PLEKHA8: variants seen among roughly 807,000 people sequenced by gnomAD.
PLEKHA8 encodes the protein pleckstrin homology domain-containing family A member 8.
PLEKHA8 carries 36 observed loss-of-function variants against 68.2 expected under a neutral mutation model. The observed-to-expected ratio is 0.53, with a 90% confidence interval of 0.40 to 0.70. The LOEUF is 0.70. Among genes scored for constraint, PLEKHA8 ranks in the 30% least tolerant of loss-of-function variants. The pLI, the probability that PLEKHA8 is intolerant of heterozygous loss-of-function variation, is 0.00. For missense variants in PLEKHA8, 505 were observed against 615.4 expected (o/e 0.82, Z 1.90); for synonymous variants, 211 against 216.1 (o/e 0.98, Z 0.20).
downstream of PLEKHA8, among the ~76,000 whole-genome samples, chr7:30,093,922 C>T (rs565045022): frequency 2.0e-5 from 3 of 152,322 alleles, no homozygotes; most frequent in South Asian, 4.1e-4. Context: ...AATCCTTTAA[C>T]CCCTTGATCT....
intron 12 of PLEKHA8, among the ~76,000 whole-genome samples, chr7:30,066,526 C>A (rs1167386603): frequency 6.6e-6 from 1 of 152,068 alleles, no homozygotes; most frequent in African/African-American, 2.4e-5. Context: ...CCCTTAGTGT[C>A]CTAACATTCT....
rs143425495 is a variant in PLEKHA8 at position 30,057,177 on chromosome 7, A to G, written c.1039+1835A>G. Reference sequence around the variant, plus strand: ...TATCAAGAAATAGTATGTTTTCATCACCCTGGAATGTTCCCTGTGTCACTC... The same window carrying G: ...TATCAAGAAATAGTATGTTTTCATCGCCCTGGAATGTTCCCTGTGTCACTC... On this transcript the variant is annotated intron_variant, in intron 9 of 13. Coordinates refer to ENST00000449726, the MANE Select transcript of PLEKHA8 (RefSeq NM_001197026.2). Among the ~76,000 whole-genome samples, 1,347 of 151,984 alleles carry G rather than the reference A, an allele frequency of 8.9e-3. 20 individuals carry two copies. The highest frequency in any genetic ancestry group is 0.03 in the African/African-American group (1,262 of 41,508).
chr7:30,078,120 T>C (rs1583441848), intron 13 of PLEKHA8, among the ~76,000 whole-genome samples: 1 of 152,262 alleles, frequency 6.6e-6, no homozygotes, highest in East Asian at 1.9e-4. Flanking sequence ...AAAGGAAAGA[T>C]TATTCTTATG....
In PLEKHA8 at chr7:30,078,760, C is replaced by T. The variant is rs778231408; in HGVS notation, c.1533C>T (p.His511=). Residue 511 remains histidine (H), a synonymous_variant, in exon 14 of 14, where the codon CAC becomes CAT. Coordinates refer to ENST00000449726, the MANE Select transcript of PLEKHA8 (RefSeq NM_001197026.2). Reference sequence around the variant, plus strand: ...TACTGGACACTTTATATGAGGTCCACGGGCTGGAATCTGATGAGGTGGTAT... The same window carrying T: ...TACTGGACACTTTATATGAGGTCCATGGGCTGGAATCTGATGAGGTGGTAT... The part of the protein sequence containing the change: ...LAILDTLYEV[H]GLESDEVV 20 of 1,613,472 alleles carry T rather than the reference C, an allele frequency of 1.2e-5. No homozygotes were observed. The highest frequency in any genetic ancestry group is 5.3e-5 in the African/African-American group (4 of 74,852).
Position 30,050,435 on chromosome 7 carries a change from T to G in PLEKHA8, c.599T>G (p.Met200Arg). The part of the protein sequence containing the change: ...PQLAMLKSSK[M>R]KHPIIPIHNS... ...TTCCTTTCTTTGCTTCTTTTAAAGA[T>G]GAAACATCCTATTATACCAATTCAT... Residue 200 changes from methionine (M) to arginine (R), a missense_variant and splice_region_variant, in exon 6 of 14, where the codon ATG becomes AGG. Physicochemically the swap from Met to Arg is moderately conservative, Grantham distance 91 (BLOSUM62 -1). Transcript: ENST00000449726. 1 of 1,579,308 alleles carries G rather than the reference T, an allele frequency of 6.3e-7. No homozygotes were observed. The highest frequency in any genetic ancestry group is 8.6e-7 in the Non-Finnish European group (1 of 1,165,172).
chr7:30,056,306 C>CTATATATA (rs1215690448), intron 9 of PLEKHA8, among the ~76,000 whole-genome samples: 19 of 90,230 alleles, frequency 2.1e-4, no homozygotes, highest in South Asian at 9.1e-4. Flanking sequence ...CTCTCTCTCT[C>CTATATATA]TCTCTCTATA....
downstream of PLEKHA8, among the ~76,000 whole-genome samples, chr7:30,094,857 A>T (rs938119322): frequency 2.0e-5 from 3 of 152,022 alleles, no homozygotes; most frequent in Admixed American, 6.6e-5. Flanking sequence ...ACATGAATTC[A>T]TCATTTTTTA....
chr7:30,102,102 C>T (rs1422665519), intron 13 of PLEKHA8, among the ~76,000 whole-genome samples: 1 of 152,076 alleles, frequency 6.6e-6, no homozygotes, highest in Non-Finnish European at 1.5e-5. Context: ...AAACAAACAA[C>T]CCAATTTAAA....
At chr7:30,090,298 C>A in exon 13 of PLEKHA8, 3 of 1,223,138 alleles carry the variant, frequency 2.5e-6, no homozygotes, top group East Asian at 2.6e-5. Context: ...GATTCTGTGA[C>A]GGGAAACAAT....
At chr7:30,076,959 A>G (rs1403895061) in intron 13 of PLEKHA8, among the ~76,000 whole-genome samples, 1 of 152,198 alleles carries the variant, frequency 6.6e-6, no homozygotes, top group Non-Finnish European at 1.5e-5. Flanking sequence ...CTGAGCTGAT[A>G]GCCATTTCAG....
At chr7:30,100,197 C>T (rs377236659) in intron 13 of PLEKHA8, among the ~76,000 whole-genome samples, 8 of 152,194 alleles carry the variant, frequency 5.3e-5, no homozygotes, top group East Asian at 1.9e-4. Context: ...TGACTATATC[C>T]GTAAAGATCC....
At chr7:30,031,241 A>G (rs920692148) in intron 1 of PLEKHA8, among the ~76,000 whole-genome samples, 6 of 152,190 alleles carry the variant, frequency 3.9e-5, no homozygotes, top group Non-Finnish European at 7.3e-5. Flanking sequence ...TTATTGGTTA[A>G]GTGGTTAGAA....
At chr7:30,033,796 C>T (rs1172357867) in intron 1 of PLEKHA8, among the ~76,000 whole-genome samples, 1 of 152,118 alleles carries the variant, frequency 6.6e-6, no homozygotes, top group Non-Finnish European at 1.5e-5. Context: ...TCCGTCTTCA[C>T]ATTCTCATCA....
intron 13 of PLEKHA8, among the ~76,000 whole-genome samples, chr7:30,100,684 C>A (rs757457195): frequency 1.2e-4 from 19 of 152,108 alleles, no homozygotes; most frequent in Admixed American, 1.2e-3. Flanking sequence ...GTAAGGATAT[C>A]TGTTGTCACC....
chr7:30,048,169 T>C (rs1330497492), intron 4 of PLEKHA8, among the ~76,000 whole-genome samples: 2 of 152,094 alleles, frequency 1.3e-5, no homozygotes, highest in Non-Finnish European at 2.9e-5. Context: ...AGTAACAAAA[T>C]TAAACAAAGA....
At chr7:30,076,577 A>G (rs1328150102) in intron 13 of PLEKHA8, among the ~76,000 whole-genome samples, 1 of 152,194 alleles carries the variant, frequency 6.6e-6, no homozygotes, top group African/African-American at 2.4e-5. Context: ...CCCTGCTTAT[A>G]GACAGAGAAA....
chr7:30,110,187 C>T (rs1025707323), intron 13 of PLEKHA8, among the ~76,000 whole-genome samples: 1 of 152,086 alleles, frequency 6.6e-6, no homozygotes, highest in African/African-American at 2.4e-5. Context: ...CCCATTCCTC[C>T]CTCCTATGGC....
In PLEKHA8 at chr7:30,054,799, C is replaced by G; in HGVS notation, c.887C>G (p.Ser296Cys). The change falls in exon 8 of 14, where the codon TCT (serine) becomes TGT (cysteine). Residue 296 changes from serine (S) to cysteine (C), a missense_variant. Physicochemically the swap from Ser to Cys is moderately radical, Grantham distance 112. Coordinates refer to ENST00000449726, the MANE Select transcript of PLEKHA8 (RefSeq NM_001197026.2). ...CAGTCTGGATCAGACTCAAGTTGCT[C>G]TCCGGAATGCCTCTGGGAGGAAGGC... The part of the protein sequence containing the change: ...LTQSGSDSSC[S>C]PECLWEEGKE... The G allele has an allele frequency of 6.2e-7, 1 of 1,612,122 alleles. No individual in the cohort carries two copies. Among genetic ancestry groups the G allele is most frequent in the Non-Finnish European group, 8.5e-7 (1 of 1,178,742 alleles).
chr7:30,035,844 C>T (rs1258767914), intron 1 of PLEKHA8, among the ~76,000 whole-genome samples: 1 of 151,932 alleles, frequency 6.6e-6, no homozygotes, highest in African/African-American at 2.4e-5. Context: ...GATGAGGTTT[C>T]ACCATGTTGG....
Sources: gnomAD v4.1 joint callset for allele counts (sites outside exome capture counted in the v4.1 genomes callset) on GRCh38, gnomAD v4.1.1 for gene constraint, MANE v1.5 for transcripts, NCBI Gene and HGNC (gene_info 2026-07-23, HGNC 2026-07-21) for gene names.